LINGO2: variants seen among roughly 807,000 people sequenced by gnomAD.
LINGO2 encodes leucine-rich repeat and immunoglobulin-like domain-containing nogo receptor-interacting protein 2.
Under a neutral mutation model 30.6 loss-of-function variants are expected in LINGO2, and 14 were observed. The observed-to-expected ratio is 0.46, with a 90% CI of 0.30 to 0.72. The LOEUF is 0.72. Among genes scored for constraint, LINGO2 ranks in the 30% least tolerant of loss-of-function variants. The probability of loss-of-function intolerance (pLI) is 0.07; values close to 1 mark genes in which losing one functional copy is unlikely to be tolerated. For missense variants in LINGO2, 729 were observed against 751.7 expected (o/e 0.97, Z 0.35); for synonymous variants, 317 against 288.5 (o/e 1.10, Z -1.00).
the LINGO2 span, among the ~76,000 whole-genome samples, chr9:29,156,323 GT>G: frequency 1.3e-5 from 2 of 152,062 alleles, no homozygotes; most frequent in Admixed American, 1.3e-4. Flanking sequence ...TGGCTTTTAT[GT>G]GCATCCCTAA....
At chr9:28,997,606 G>C in the LINGO2 span, among the ~76,000 whole-genome samples, 1 of 152,056 alleles carries the variant, frequency 6.6e-6, no homozygotes, top group Non-Finnish European at 1.5e-5. Flanking sequence ...GGCGGATCAC[G>C]AGGTCAGGAG....
At chr9:28,353,446 C>G (rs967798853) in intron 3 of LINGO2, among the ~76,000 whole-genome samples, 247 of 151,816 alleles carry the variant, frequency 1.6e-3, no homozygotes, top group African/African-American at 5.8e-3. Context: ...ATCAAAACCA[C>G]AATGAGATAC....
intron 3 of LINGO2, among the ~76,000 whole-genome samples, chr9:28,306,302 G>A (rs1429623477): frequency 6.6e-6 from 1 of 152,032 alleles, no homozygotes; most frequent in Non-Finnish European, 1.5e-5. Context: ...AAGGAAAGAA[G>A]GATGGAAGGG....
At chr9:28,627,232 T>C (rs1826722312) in intron 1 of LINGO2, among the ~76,000 whole-genome samples, 2 of 152,108 alleles carry the variant, frequency 1.3e-5, no homozygotes, top group Non-Finnish European at 2.9e-5. Context: ...TGAAGGTCTC[T>C]CTATTCTGAT....
chr9:28,968,636 C>T, the LINGO2 span, among the ~76,000 whole-genome samples: 1 of 152,060 alleles, frequency 6.6e-6, no homozygotes, highest in African/African-American at 2.4e-5. Context: ...GTTCTTTTAA[C>T]CTCTGTGTTC....
chr9:28,687,285 T>C, the LINGO2 span, among the ~76,000 whole-genome samples: 5 of 152,134 alleles, frequency 3.3e-5, no homozygotes, highest in African/African-American at 1.2e-4. Context: ...AATATAGTTA[T>C]CCCATTTATA....
intron 4 of LINGO2, among the ~76,000 whole-genome samples, chr9:28,236,363 G>C (rs1821564903): frequency 6.6e-6 from 1 of 152,126 alleles, no homozygotes; most frequent in South Asian, 2.1e-4. Context: ...ATGTTAATGA[G>C]CAAGAATAAA....
intron 4 of LINGO2, among the ~76,000 whole-genome samples, chr9:28,293,760 T>A (rs12236760): frequency 0.072 from 10,976 of 152,238 alleles, 722 homozygotes; most frequent in East Asian, 0.38. Context: ...TGTGGTAAAT[T>A]CTGAAATAAA....
chr9:28,813,208 C>T, the LINGO2 span, among the ~76,000 whole-genome samples: 2 of 151,928 alleles, frequency 1.3e-5, no homozygotes, highest in African/African-American at 4.8e-5. Context: ...GTAGCCCAGC[C>T]CCCCCCAATT....
At chr9:28,117,361 T>A (rs1826944520) in intron 4 of LINGO2, among the ~76,000 whole-genome samples, 1 of 129,838 alleles carries the variant, frequency 7.7e-6, no homozygotes, top group Non-Finnish European at 1.6e-5. Context: ...CTGCTGTCTT[T>A]TTGTTTGTCT....
chr9:28,433,949 C>CTCTCTCTCTATATATATA (rs1225323260), intron 2 of LINGO2, among the ~76,000 whole-genome samples: 55 of 88,532 alleles, frequency 6.2e-4, no homozygotes, highest in African/African-American at 2.3e-3. Context: ...CTCTCTCTCT[C>CTCTCTCTCTATATATATA]TATATATATA....
chr9:28,608,896 G>T (rs903186337), intron 1 of LINGO2, among the ~76,000 whole-genome samples: 2 of 151,858 alleles, frequency 1.3e-5, no homozygotes, highest in Non-Finnish European at 2.9e-5. Context: ...GAGTTCATTT[G>T]TACATTCCTG....
intron 4 of LINGO2, among the ~76,000 whole-genome samples, chr9:28,258,915 A>G (rs1822471070): frequency 8.2e-6 from 1 of 121,432 alleles, no homozygotes; most frequent in African/African-American, 2.7e-5. Flanking sequence ...TGAATATTTC[A>G]TAAGTCAAAA....
chr9:28,044,195 C>T (rs947142993), intron 4 of LINGO2, among the ~76,000 whole-genome samples: 1 of 152,102 alleles, frequency 6.6e-6, no homozygotes, highest in African/African-American at 2.4e-5. Flanking sequence ...TATTTTTGAA[C>T]CTGAATGTAT....
chr9:28,796,413 T>TC, the LINGO2 span, among the ~76,000 whole-genome samples: 1 of 152,112 alleles, frequency 6.6e-6, no homozygotes, highest in Non-Finnish European at 1.5e-5. Flanking sequence ...ATTATTTTTT[T>TC]AGGTGTCAGA....
intron 3 of LINGO2, among the ~76,000 whole-genome samples, chr9:28,345,871 CA>C (rs1336940619): frequency 6.6e-6 from 1 of 152,112 alleles, no homozygotes; most frequent in Non-Finnish European, 1.5e-5. Context: ...ACAAAAATAG[CA>C]AAAGTCCTTA....
At chr9:28,932,543 C>T in the LINGO2 span, among the ~76,000 whole-genome samples, 1 of 152,116 alleles carries the variant, frequency 6.6e-6, no homozygotes, top group African/African-American at 2.4e-5. Context: ...CAGAGAAATC[C>T]AATGACATAG....
chr9:28,019,583 A>G (rs1406994079), intron 4 of LINGO2, among the ~76,000 whole-genome samples: 2 of 152,140 alleles, frequency 1.3e-5, no homozygotes, highest in Non-Finnish European at 2.9e-5. Context: ...AATAGCAAAT[A>G]AAGTGGTCAG....
At chr9:29,031,919 G>C in the LINGO2 span, among the ~76,000 whole-genome samples, 3 of 152,246 alleles carry the variant, frequency 2.0e-5, no homozygotes, top group South Asian at 2.1e-4. Context: ...AATTGTAGGT[G>C]ACTCAAATTT....
Sources: allele counts gnomAD v4.1 joint callset (sites outside exome capture counted in the v4.1 genomes callset), GRCh38; gene constraint gnomAD v4.1.1; transcripts MANE v1.5; gene names NCBI Gene and HGNC (gene_info 2026-07-23, HGNC 2026-07-21).